The following FBN1 variants were observed in gnomAD, a reference collection of about 807,000 sequenced individuals.
FBN1 encodes fibrillin 1.
A neutral mutation model predicts 365.1 loss-of-function variants in FBN1; 29 were observed. That is an observed-to-expected ratio of 0.08 (90% CI 0.06 to 0.11). The LOEUF (loss-of-function observed/expected upper bound fraction) is 0.11, where lower values mean the gene tolerates loss of function less well. Ranked by LOEUF, FBN1 falls within the 10% of genes least tolerant of loss-of-function variation. The pLI, the probability that FBN1 is intolerant of heterozygous loss-of-function variation, is 1.00. For missense variants in FBN1, 2,476 were observed against 3,703.2 expected (o/e 0.67, Z 8.60); for synonymous variants, 1,210 against 1,270.5 (o/e 0.95, Z 1.01).
chr15:48,432,764 A>T (rs576046413), intron 55 of FBN1, 102 bp downstream of exon 55: 172 of 1,447,520 alleles, frequency 1.2e-4, no homozygotes, highest in Non-Finnish European at 1.6e-4. Context: ...GACTATTTAT[A>T]TTCCAATTCC....
chr15:48,638,680 A>C (rs1890143951), intron 2 of FBN1, among the ~76,000 whole-genome samples: 1 of 151,134 alleles, frequency 6.6e-6, no homozygotes, highest in African/African-American at 2.4e-5. Context: ...CTGAGTTTAC[A>C]GGCAACCAAG....
chr15:48,440,033 A>G (rs1477917453), intron 50 of FBN1, among the ~76,000 whole-genome samples: 3 of 152,196 alleles, frequency 2.0e-5, no homozygotes, highest in East Asian at 1.9e-4. Flanking sequence ...TCCTGGCTCC[A>G]GCAAAATCTG....
In FBN1 at chr15:48,470,644, C is replaced by G; in HGVS notation, c.4449G>C (p.Gly1483=). Residue 1483 remains glycine, a synonymous_variant, in exon 36 of 66, where the codon GGG becomes GGC. Coordinates refer to ENST00000316623, the MANE Select transcript of FBN1 (RefSeq NM_000138.5). ...EIGYELDRSG[G]NCTDVNECLD... Reference sequence around the variant, plus strand: ...CAGTGGAGGTCTTACCTGTGCAGTTCCCGCCGCTTCTGTCCAGTTCGTAGC... The same window carrying G: ...CAGTGGAGGTCTTACCTGTGCAGTTGCCGCCGCTTCTGTCCAGTTCGTAGC... 6.2e-7 allele frequency: 1 copy of G among 1,614,002 alleles called. No individual in the cohort carries two copies. The highest frequency in any genetic ancestry group is 1.3e-5 in the African/African-American group (1 of 74,998).
At chr15:48,580,136 T>A (rs1382717573) in intron 6 of FBN1, among the ~76,000 whole-genome samples, 1 of 152,162 alleles carries the variant, frequency 6.6e-6, no homozygotes, top group East Asian at 1.9e-4. Flanking sequence ...TTTTTCCAAT[T>A]GCTTCTAAGC....
chr15:48,604,717 C>T (rs2044593261), intron 4 of FBN1, among the ~76,000 whole-genome samples: 1 of 152,170 alleles, frequency 6.6e-6, no homozygotes, highest in Non-Finnish European at 1.5e-5. Context: ...CCTCCCAGTC[C>T]ATATAAATCC....
intron 7 of FBN1, among the ~76,000 whole-genome samples, chr15:48,537,406 T>G (rs1192048042): frequency 1.3e-5 from 2 of 152,090 alleles, no homozygotes; most frequent in Non-Finnish European, 2.9e-5. Flanking sequence ...AAAGGGGGAA[T>G]GGTTGGCAAG....
rs1298758479 is a variant in FBN1 at position 48,553,911 on chromosome 15, G to A, written c.539-16103C>T. On this transcript the variant is annotated intron_variant, in intron 6 of 65. Coordinates refer to ENST00000316623, the MANE Select transcript of FBN1 (RefSeq NM_000138.5). ...AGAAAATGAGCATTTATGGAGCATG[G>A]TGCTGGCTACAAGGGAGACATGCTG... Among the ~76,000 whole-genome samples the A allele has an allele frequency of 3.3e-5, 5 of 152,172 alleles. No homozygotes were observed. The South Asian group carries it at 1.0e-3, about 32-fold the overall frequency.
intron 13 of FBN1, among the ~76,000 whole-genome samples, chr15:48,512,588 T>C (rs1048118565): frequency 3.3e-5 from 5 of 152,184 alleles, no homozygotes; most frequent in Admixed American, 2.6e-4. Context: ...TGGTTTTCTG[T>C]TCCTATGTTA....
At chr15:48,558,975 C>T (rs2044203280) in intron 6 of FBN1, among the ~76,000 whole-genome samples, 1 of 152,180 alleles carries the variant, frequency 6.6e-6, no homozygotes. Context: ...TGGATTCACA[C>T]TGGGAACAAG....
rs1460729017 is a variant in FBN1 at position 48,463,259 on chromosome 15, A to G, written c.5066-19T>C. On this transcript the variant is annotated intron_variant, in intron 41 of 65. Coordinates refer to ENST00000316623, the MANE Select transcript of FBN1 (RefSeq NM_000138.5). ...CTCATATCTAGAAGGGAGGTAAAAA[A>G]AAGGATTGGAGGGTTGGTGATGCCA... 1.2e-6 allele frequency: 2 copies of G among 1,613,218 alleles called. No homozygotes were observed. The highest frequency in any genetic ancestry group is 1.7e-6 in the Non-Finnish European group (2 of 1,179,462).
intron 49 of FBN1, among the ~76,000 whole-genome samples, chr15:48,443,851 G>A (rs2043134731): frequency 6.6e-6 from 1 of 152,092 alleles, no homozygotes; most frequent in African/African-American, 2.4e-5. Flanking sequence ...TGGCAACATA[G>A]GGAGGCCCCA....
intron 2 of FBN1, among the ~76,000 whole-genome samples, chr15:48,626,291 G>A (rs528482073): frequency 1.5e-4 from 22 of 151,214 alleles, no homozygotes; most frequent in African/African-American, 4.6e-4. Context: ...ATAATTACTA[G>A]TAAGAAATCA....
chr15:48,532,476 ATGTGTGTGTG>A (rs149675514), intron 8 of FBN1, among the ~76,000 whole-genome samples: 1 of 148,932 alleles, frequency 6.7e-6, no homozygotes, highest in African/African-American at 2.5e-5. Context: ...GTGTGTGTAT[ATGTGTGTGTG>A]TGTGTATATA....
At chr15:48,411,995 C>T (rs1313137097) in intron 65 of FBN1, among the ~76,000 whole-genome samples, 1 of 152,232 alleles carries the variant, frequency 6.6e-6, no homozygotes, top group East Asian at 1.9e-4. Context: ...CACCTGGCTT[C>T]TTACTTGCCT....
At chr15:48,596,506 A>C (rs2044517207) in intron 5 of FBN1, 128 bp from the exon 6 acceptor site, 2 of 829,208 alleles carry the variant, frequency 2.4e-6, no homozygotes, top group Admixed American at 4.0e-5. Flanking sequence ...TTGGACGGTC[A>C]CTCTACAGTT....
At chr15:48,500,441 C>G (rs1341477432) in intron 17 of FBN1, among the ~76,000 whole-genome samples, 1 of 152,112 alleles carries the variant, frequency 6.6e-6, no homozygotes, top group African/African-American at 2.4e-5. Context: ...TTGGAAGCAG[C>G]CCTTTTCCTC....
At chr15:48,565,794 AC>A (rs1312750338) in intron 6 of FBN1, among the ~76,000 whole-genome samples, 6 of 152,138 alleles carry the variant, frequency 3.9e-5, no homozygotes, top group African/African-American at 1.4e-4. Flanking sequence ...AACTCACAAA[AC>A]TGATACTCTT....
At position 48,408,627 on chromosome 15, in the gene FBN1, A is replaced by T. The variant is rs2042836825; in HGVS notation, c.*2363T>A. On this transcript the variant is annotated 3_prime_UTR_variant, in exon 66 of 66. Transcript: ENST00000316623. ...AAGTGAAATTGAAAGGTCACAGACA[A>T]TTGAAAGGTACAGGTTTAAATCTCA... 6.5e-6 allele frequency: 1 copy of T among 152,674 alleles called. No homozygotes were observed. Among genetic ancestry groups the T allele is most frequent in the Non-Finnish European group, 1.5e-5 (1 of 68,050 alleles). The allele number at this position is 152,674 out of a possible 1,614,324, so 9.5% of individuals were successfully genotyped here. A position where few individuals can be genotyped will look rare whatever the true frequency, so the allele number is the denominator to read the frequency against.
chr15:48,574,752 A>C (rs1377230826), intron 6 of FBN1, among the ~76,000 whole-genome samples: 1 of 152,216 alleles, frequency 6.6e-6, no homozygotes, highest in Non-Finnish European at 1.5e-5. Context: ...AAGAGTATGC[A>C]GTGGCTTCCA....
Sources: allele counts gnomAD v4.1 joint callset (sites outside exome capture counted in the v4.1 genomes callset), GRCh38; gene constraint gnomAD v4.1.1; transcripts MANE v1.5; gene names NCBI Gene and HGNC (gene_info 2026-07-23, HGNC 2026-07-21).